Variants in NSUN6 observed in about 807,000 individuals in gnomAD.
NSUN6 encodes the protein NOP2/Sun RNA methyltransferase 6, also known as tRNA (cytosine(72)-C(5))-methyltransferase NSUN6.
Under a neutral mutation model 58.0 loss-of-function variants are expected in NSUN6, and 64 were observed. The ratio of observed to expected loss-of-function variants is 1.10; its 90% CI spans 0.90 to 1.36. The LOEUF (loss-of-function observed/expected upper bound fraction) is 1.36. Ranked by LOEUF, NSUN6 falls within the 40% of genes most tolerant of loss-of-function variation. The pLI is 0.00. For synonymous variants in NSUN6, 231 were observed against 193.9 expected (o/e 1.19, Z -1.59); for missense variants, 701 against 550.1 (o/e 1.27, Z -2.74).
Position 18,554,819 on chromosome 10 carries a change from G to A in NSUN6, c.923-2848C>T, listed in dbSNP as rs2054864282. Among the ~76,000 whole-genome samples the A allele has an allele frequency of 2.7e-5, 4 of 150,934 alleles. No homozygotes were observed. In the South Asian group the frequency reaches 8.4e-4, roughly 32 times the overall value. On this transcript the variant is annotated intron_variant, in intron 8 of 10. Coordinates refer to ENST00000377304, the MANE Select transcript of NSUN6 (RefSeq NM_182543.5). ...AGAATGAAATGGAATGGAATAGAAT[G>A]GTATGGAATGGAAAACGGCATGGAA...
intron 10 of NSUN6, among the ~76,000 whole-genome samples, chr10:18,547,483 T>C (rs896403868): frequency 3.3e-5 from 5 of 152,234 alleles, no homozygotes; most frequent in Non-Finnish European, 7.3e-5. Context: ...TAAAGTTAGA[T>C]GCTCAATGTA....
chr10:18,635,084 T>G (rs923393414), intron 3 of NSUN6, among the ~76,000 whole-genome samples: 2 of 152,190 alleles, frequency 1.3e-5, no homozygotes, highest in African/African-American at 2.4e-5. Flanking sequence ...GATTTTGGTA[T>G]GTGCTACGCA....
intron 6 of NSUN6, among the ~76,000 whole-genome samples, chr10:18,608,285 C>G (rs2058109677): frequency 6.6e-6 from 1 of 151,548 alleles, no homozygotes; most frequent in Non-Finnish European, 1.5e-5. Context: ...CTATAGATAG[C>G]AAAAAAGTGT....
chr10:18,659,309 C>G, upstream of NSUN6: 1 of 309,412 alleles, frequency 3.2e-6, no homozygotes, highest in Non-Finnish European at 5.9e-6. Context: ...GCCTAGCTTC[C>G]GGCGATGGGT....
intron 8 of NSUN6, among the ~76,000 whole-genome samples, chr10:18,555,204 T>G (rs1174753337): frequency 6.8e-6 from 1 of 147,192 alleles, no homozygotes; most frequent in Non-Finnish European, 1.5e-5. Flanking sequence ...TGGAATGGAA[T>G]ATGGAATGGA....
At position 18,557,582 on chromosome 10, in the gene NSUN6, G is replaced by A. The variant is rs183487029; in HGVS notation, c.923-5611C>T. Among the ~76,000 whole-genome samples, 3 of 151,462 alleles carry A rather than the reference G, an allele frequency of 2.0e-5. No homozygotes were observed. The East Asian group carries it at 5.8e-4, about 30-fold the overall frequency. On this transcript the variant is annotated intron_variant, in intron 8 of 10. Transcript: ENST00000377304. ...AATGGAATGGACAGTGGAATGAATG[G>A]AATGGAGAATGGAATGGAAGATGGA...
At chr10:18,625,971 G>C (rs538831354) in intron 3 of NSUN6, among the ~76,000 whole-genome samples, 42 of 151,942 alleles carry the variant, frequency 2.8e-4, no homozygotes, top group South Asian at 1.7e-3. Context: ...GGCCTGAAAC[G>C]ACCAGACTCA....
chr10:18,652,872 T>G (rs1359492112), upstream of NSUN6: 1 of 982,400 alleles, frequency 1.0e-6, no homozygotes, highest in Non-Finnish European at 1.2e-6. Flanking sequence ...TTTCTCTGTT[T>G]TAAAGAGTAA....
intron 8 of NSUN6, among the ~76,000 whole-genome samples, chr10:18,562,821 T>C (rs1184311537): frequency 1.4e-5 from 2 of 137,996 alleles, no homozygotes; most frequent in African/African-American, 5.5e-5. Flanking sequence ...AAAGGGAGGA[T>C]GGAATGGAAT....
intron 8 of NSUN6, among the ~76,000 whole-genome samples, chr10:18,563,524 T>C (rs115964274): frequency 2.0e-5 from 3 of 150,502 alleles, no homozygotes; most frequent in African/African-American, 7.3e-5. Context: ...TGGGATAGAA[T>C]GGAGAGTGGA....
At chr10:18,614,373 A>T in intron 5 of NSUN6, 87 bp downstream of exon 5, 1 of 784,388 alleles carries the variant, frequency 1.3e-6, no homozygotes, top group Non-Finnish European at 1.8e-6. Flanking sequence ...ATTTCATATA[A>T]TGCAACTAGA....
intron 8 of NSUN6, among the ~76,000 whole-genome samples, chr10:18,577,511 T>C (rs1364670314): frequency 6.6e-6 from 1 of 152,142 alleles, no homozygotes; most frequent in Non-Finnish European, 1.5e-5. Flanking sequence ...AAATGGCACT[T>C]ACTAAAATCT....
intron 10 of NSUN6, 102 bp from the exon 11 acceptor site, chr10:18,546,247 T>A (rs1042572394): frequency 1.9e-5 from 16 of 834,162 alleles, no homozygotes; most frequent in Non-Finnish European, 3.1e-5. Context: ...AACGACTACA[T>A]CTTCCAAAAA....
chr10:18,659,269 T>G, upstream of NSUN6: 17 of 234,450 alleles, frequency 7.3e-5, no homozygotes, highest in Non-Finnish European at 1.2e-4. Flanking sequence ...GTCGAAGGCG[T>G]GGGTTGCCGT....
At chr10:18,604,758 T>C (rs11015100) in intron 6 of NSUN6, among the ~76,000 whole-genome samples, 7,914 of 151,866 alleles carry the variant, frequency 0.052, 283 homozygotes, top group Non-Finnish European at 0.077. Flanking sequence ...TAGTGACGCA[T>C]GCCTGTAGCT....
At chr10:18,550,009 G>C (rs898398859) in intron 9 of NSUN6, among the ~76,000 whole-genome samples, 10 of 152,200 alleles carry the variant, frequency 6.6e-5, no homozygotes, top group Non-Finnish European at 1.0e-4. Flanking sequence ...AGGTGGAAGA[G>C]CCATGGCTCA....
intron 3 of NSUN6, among the ~76,000 whole-genome samples, chr10:18,641,504 G>A (rs2059389995): frequency 6.6e-6 from 1 of 151,370 alleles, no homozygotes; most frequent in African/African-American, 2.4e-5. Context: ...TAGCCGTGAC[G>A]ACAGGTAAGC....
At chr10:18,565,816 T>C (rs111208107) in intron 8 of NSUN6, among the ~76,000 whole-genome samples, 1 of 150,862 alleles carries the variant, frequency 6.6e-6, no homozygotes, top group Non-Finnish European at 1.5e-5. Context: ...TCCACTCCAT[T>C]CCATTCTCCA....
At chr10:18,579,462 G>A (rs1047111603) in intron 8 of NSUN6, among the ~76,000 whole-genome samples, 3 of 152,156 alleles carry the variant, frequency 2.0e-5, no homozygotes, top group Admixed American at 6.5e-5. Context: ...GAGCCACGTC[G>A]CCCGGCCTCA....
Sources: allele counts gnomAD v4.1 joint callset (sites outside exome capture counted in the v4.1 genomes callset), GRCh38; gene constraint gnomAD v4.1.1; transcripts MANE v1.5; gene names NCBI Gene and HGNC (gene_info 2026-07-23, HGNC 2026-07-21).